Variants in KIAA1143 observed in about 807,000 individuals in gnomAD.
KIAA1143 encodes the protein KIAA1143, also known as uncharacterized protein KIAA1143.
A neutral mutation model predicts 17.0 loss-of-function variants in KIAA1143; 8 were observed. That is an observed-to-expected ratio of 0.47 (90% CI 0.28 to 0.85). The LOEUF is 0.85. Ranked by LOEUF, KIAA1143 falls within the 40% of genes least tolerant of loss-of-function variation. The probability of loss-of-function intolerance (pLI) is 0.12; values close to 1 mark genes in which losing one functional copy is unlikely to be tolerated. For synonymous variants in KIAA1143, 64 were observed against 67.8 expected, an observed-to-expected ratio of 0.94 and a Z score of 0.27; for missense variants, 162 against 183.3, an observed-to-expected ratio of 0.88 and a Z score of 0.67.
chr3:44,759,455 A>C (rs974029797), intron 1 of KIAA1143, among the ~76,000 whole-genome samples: 3 of 152,318 alleles, frequency 2.0e-5, no homozygotes, highest in African/African-American at 7.2e-5. Context: ...GCACAGGCAG[A>C]GTAGATTTAG....
chr3:44,749,535 T>C lies in KIAA1143; in HGVS notation c.*3806A>G, dbSNP rs1203561804. The C allele has an allele frequency of 2.0e-5, 3 of 152,192 alleles. No individual in the cohort carries two copies. The highest frequency in any genetic ancestry group is 2.9e-5 in the Non-Finnish European group (2 of 68,038). The allele number at this position is 152,192 out of a possible 1,614,324, so 9.4% of individuals were successfully genotyped here. A position where few individuals can be genotyped will look rare whatever the true frequency, so the allele number is the denominator to read the frequency against. On this transcript the variant is annotated 3_prime_UTR_variant, in exon 3 of 3. Coordinates refer to ENST00000296121, the MANE Select transcript of KIAA1143 (RefSeq NM_020696.4). ...GCTGACTTTTACTAATGAGGAAAATTGTTAGGATTAAGCAGGGTCTTGAGG... is the reference window on the plus strand; with the variant it reads ...GCTGACTTTTACTAATGAGGAAAATCGTTAGGATTAAGCAGGGTCTTGAGG...
chr3:44,760,421 G>A (rs1268692961), intron 1 of KIAA1143, among the ~76,000 whole-genome samples: 12 of 152,046 alleles, frequency 7.9e-5, no homozygotes, highest in Admixed American at 5.2e-4. Context: ...ACGGAGTCTC[G>A]CTCTGTCGCC....
At chr3:44,758,809 G>C (rs184187576) in intron 1 of KIAA1143, among the ~76,000 whole-genome samples, 1 of 151,836 alleles carries the variant, frequency 6.6e-6, no homozygotes, top group Non-Finnish European at 1.5e-5. Flanking sequence ...ACAATATCCA[G>C]ATGCATCAGA....
In KIAA1143 at chr3:44,761,576, G is replaced by C; in HGVS notation, c.27C>G (p.Tyr9Ter). 6.2e-7 allele frequency: 1 copy of C among 1,613,520 alleles called. No homozygotes were observed. Among genetic ancestry groups the C allele is most frequent in the Middle Eastern group, 1.6e-4 (1 of 6,062 alleles). Reference protein sequence around the residue: MSKRNQVSYVRPAEPAFLA... With the variant: MSKRNQVS ...GAAACGCCGGCTCGGCTGGCCGCACGTACGATACCTGGTTCCGCTTGCTCA... is the reference window on the plus strand; with the variant it reads ...GAAACGCCGGCTCGGCTGGCCGCACCTACGATACCTGGTTCCGCTTGCTCA... Residue 9 changes from tyrosine to a stop codon, truncating the protein, a stop_gained, in exon 1 of 3, where the codon TAC becomes TAG. Coordinates refer to ENST00000296121, the MANE Select transcript of KIAA1143 (RefSeq NM_020696.4). LOFTEE classifies it high-confidence loss of function.
chr3:44,754,571 T>C (rs1704939306), intron 1 of KIAA1143, among the ~76,000 whole-genome samples: 1 of 152,208 alleles, frequency 6.6e-6, no homozygotes, highest in South Asian at 2.1e-4. Context: ...GGAGTGCCTG[T>C]CCGGTGGGAT....
At chr3:44,756,887 A>T (rs144288183) in intron 1 of KIAA1143, among the ~76,000 whole-genome samples, 2 of 152,228 alleles carry the variant, frequency 1.3e-5, no homozygotes, top group African/African-American at 4.8e-5. Flanking sequence ...CATCATAGGT[A>T]TATATGTATG....
chr3:44,756,997 T>C (rs1363083944), intron 1 of KIAA1143, among the ~76,000 whole-genome samples: 2 of 152,164 alleles, frequency 1.3e-5, no homozygotes, highest in Non-Finnish European at 2.9e-5. Flanking sequence ...AAAAATGAAG[T>C]GGTTCTCACA....
rs1687653794 is a variant in KIAA1143, at chr3:44,751,039, TTGAC to T, written c.*2298_*2301del. On this transcript the variant is annotated 3_prime_UTR_variant, in exon 3 of 3. Coordinates refer to ENST00000296121, the MANE Select transcript of KIAA1143 (RefSeq NM_020696.4). ...TGAAACCGGTTACTTTCTCAGGACT[TTGAC>T]TGAAATGGCCTTGTGAAATGTTCTA... 6.7e-6 allele frequency: 1 copy of T among 149,064 alleles called. No homozygotes were observed. The highest frequency in any genetic ancestry group is 1.5e-5 in the Non-Finnish European group (1 of 67,398). 9.2% of individuals were successfully genotyped at this position (149,064 alleles called of 1,614,324 possible). A position where few individuals can be genotyped will look rare whatever the true frequency, so the allele number is the denominator to read the frequency against.
chr3:44,748,939 A>G lies in KIAA1143; in HGVS notation c.*4402T>C, dbSNP rs1041023883. ...ATATAGCAATGATACAAATTAGGGG[A>G]AAAAACCCTGGCTTCTATAACAAGT... is the stretch of plus-strand genomic sequence containing the variant. On this transcript the variant is annotated 3_prime_UTR_variant, in exon 3 of 3. Coordinates refer to ENST00000296121, the MANE Select transcript of KIAA1143 (RefSeq NM_020696.4). 7 of 152,198 alleles carry G rather than the reference A, an allele frequency of 4.6e-5. No individual in the cohort carries two copies. Among genetic ancestry groups the G allele is most frequent in the African/African-American group, 1.4e-4 (6 of 41,438 alleles). The allele number at this position is 152,198 out of a possible 1,614,324, so 9.4% of individuals were successfully genotyped here.
chr3:44,760,878 T>G (rs1705094436), intron 1 of KIAA1143, among the ~76,000 whole-genome samples: 2 of 150,832 alleles, frequency 1.3e-5, no homozygotes, highest in Non-Finnish European at 1.5e-5. Flanking sequence ...AGACGGGGGG[T>G]TTCACCATAT....
At chr3:44,759,672 T>C (rs1443049686) in intron 1 of KIAA1143, among the ~76,000 whole-genome samples, 1 of 151,890 alleles carries the variant, frequency 6.6e-6, no homozygotes, top group Non-Finnish European at 1.5e-5. Flanking sequence ...AGTGGGAGGA[T>C]TGCTTGAGTC....
rs1004187332 is a variant in KIAA1143, at chr3:44,752,292, A to G, written c.*1049T>C. The G allele has an allele frequency of 1.1e-4, 16 of 151,656 alleles. No individual in the cohort carries two copies. The highest frequency in any genetic ancestry group is 3.9e-4 in the African/African-American group (16 of 41,328). 9.4% of individuals were successfully genotyped at this position (151,656 alleles called of 1,614,324 possible). ...TGGTCACTTTCTGCACCAATCAGACAGGTCACGGGCCACTACTTCATTTAC... is the reference window on the plus strand; with the variant it reads ...TGGTCACTTTCTGCACCAATCAGACGGGTCACGGGCCACTACTTCATTTAC... On this transcript the variant is annotated 3_prime_UTR_variant, in exon 3 of 3. Transcript: ENST00000296121.
chr3:44,757,407 C>A, intron 1 of KIAA1143, among the ~76,000 whole-genome samples: 1 of 152,188 alleles, frequency 6.6e-6, no homozygotes, highest in Non-Finnish European at 1.5e-5. Flanking sequence ...ATCTCTACAC[C>A]TTTACCCATG....
intron 1 of KIAA1143, among the ~76,000 whole-genome samples, chr3:44,760,305 G>T (rs575080095): frequency 6.6e-6 from 1 of 152,346 alleles, no homozygotes; most frequent in East Asian, 1.9e-4. Context: ...TCCGGCCCTA[G>T]ACAACAATAG....
At chr3:44,760,337 A>C (rs1242525284) in intron 1 of KIAA1143, among the ~76,000 whole-genome samples, 1 of 152,188 alleles carries the variant, frequency 6.6e-6, no homozygotes, top group Non-Finnish European at 1.5e-5. Flanking sequence ...TCTTTCCTGA[A>C]GCTCCTCTTC....
Position 44,759,894 on chromosome 3 carries a change from C to CAAAAAAAAA in KIAA1143, c.108+1592_108+1600dup, listed in dbSNP as rs527806223. 5.7e-4 allele frequency among the ~76,000 whole-genome samples: 29 copies of CAAAAAAAAA among 51,100 alleles called. 2 individuals carry two copies. The highest frequency in any genetic ancestry group is 1.2e-3 in the African/African-American group (18 of 14,404). 33.5% of individuals were successfully genotyped at this position (51,100 alleles called of 152,430 possible). On this transcript the variant is annotated intron_variant, in intron 1 of 2. Coordinates refer to ENST00000296121, the MANE Select transcript of KIAA1143 (RefSeq NM_020696.4). ...TGGGCGACAGAGTGAGACCCTATCT[C>CAAAAAAAAA]AAAAAAAAAAAAAAAAAAAAAGTCC... is the stretch of plus-strand genomic sequence containing the variant.
chr3:44,753,861 G>A (rs1386196000), intron 2 of KIAA1143, among the ~76,000 whole-genome samples: 1 of 151,796 alleles, frequency 6.6e-6, no homozygotes, highest in African/African-American at 2.4e-5. Context: ...TAAATGTTCA[G>A]AAATAATGAA....
chr3:44,756,699 A>G (rs1425973651), intron 1 of KIAA1143, among the ~76,000 whole-genome samples: 4 of 152,224 alleles, frequency 2.6e-5, no homozygotes, highest in African/African-American at 9.6e-5. Context: ...CATGTTCCAC[A>G]ATTTCAGTTA....
In KIAA1143 at chr3:44,753,607, C is replaced by T; in HGVS notation, c.254-55G>A. ...TCTTCTCCTCATTATTTTGCCTTTA[C>T]CTTAGAAGCAAATAATAAGAAAATC... On this transcript the variant is annotated intron_variant, in intron 2 of 2. Transcript: ENST00000296121. 4 of 1,518,138 alleles carry T rather than the reference C, an allele frequency of 2.6e-6. No individual in the cohort carries two copies. The South Asian group carries it at 3.6e-5, about 14-fold the overall frequency. 94.0% of individuals were successfully genotyped at this position (1,518,138 alleles called of 1,614,324 possible).
Sources: gnomAD v4.1 joint callset for allele counts (sites outside exome capture counted in the v4.1 genomes callset) on GRCh38, gnomAD v4.1.1 for gene constraint, MANE v1.5 for transcripts, NCBI Gene and HGNC (gene_info 2026-07-23, HGNC 2026-07-21) for gene names.